The following AUTS2 variants were observed in gnomAD, a reference collection of about 807,000 sequenced individuals.
AUTS2 encodes the protein activator of transcription and developmental regulator AUTS2, also known as autism susceptibility gene 2 protein.
AUTS2 carries 17 observed loss-of-function variants against 112.4 expected under a neutral mutation model. The ratio of observed to expected loss-of-function variants is 0.15; its 90% confidence interval spans 0.10 to 0.23. AUTS2 has a LOEUF of 0.23. AUTS2 is among the 10% of genes least tolerant of loss of function. AUTS2 has a pLI of 1.00. For synonymous variants in AUTS2, 751 were observed against 702.7 expected (o/e 1.07, Z -1.09); for missense variants, 1,510 against 1,701.6 (o/e 0.89, Z 1.98).
chr7:70,049,439 C>T lies in AUTS2; in HGVS notation c.523-68693C>T, dbSNP rs182670187. On this transcript the variant is annotated intron_variant, in intron 2 of 18. Coordinates refer to ENST00000342771, the MANE Select transcript of AUTS2 (RefSeq NM_015570.4). ...CCACTTCCCAGGTTCAAGTGATTCT[C>T]CTGCCTCAGCTTCCTAAGTAGCTGA... Among the ~76,000 whole-genome samples the T allele has an allele frequency of 5.9e-5, 9 of 151,952 alleles. No homozygotes were observed. In the East Asian group the frequency reaches 1.8e-3, roughly 30 times the overall value.
rs1798377689 is a variant in AUTS2, at chr7:69,983,444, T to TG, written c.522+83951dup. ...TTTTTGTTCTCATCATCTGAGTTATTGGGGGTGACTTCATTACAGCAGTGG... is the reference window on the plus strand; with the variant it reads ...TTTTTGTTCTCATCATCTGAGTTATTGGGGGGTGACTTCATTACAGCAGTGG... On this transcript the variant is annotated intron_variant, in intron 2 of 18. Transcript: ENST00000342771. 2.0e-5 allele frequency among the ~76,000 whole-genome samples: 3 copies of TG among 152,226 alleles called. No homozygotes were observed. The South Asian group carries it at 6.3e-4, about 32-fold the overall frequency.
At position 70,243,614 on chromosome 7, in the gene AUTS2, A is replaced by G. The variant is rs954160212; in HGVS notation, c.660+109043A>G. ...AAGAAAGTGATGAGTCAGCTCAAAG[A>G]GAAATAGTCTGTTTCTCCCAACTCT... On this transcript the variant is annotated intron_variant, in intron 4 of 18. Coordinates refer to ENST00000342771, the MANE Select transcript of AUTS2 (RefSeq NM_015570.4). Among the ~76,000 whole-genome samples, 2 of 152,110 alleles carry G rather than the reference A, an allele frequency of 1.3e-5. 1 individual carries two copies. Among genetic ancestry groups the G allele is most frequent in the Admixed American group, 1.3e-4 (2 of 15,256 alleles).
chr7:70,039,463 A>G (rs538273345), intron 2 of AUTS2, among the ~76,000 whole-genome samples: 3 of 152,148 alleles, frequency 2.0e-5, no homozygotes, highest in African/African-American at 7.2e-5. Flanking sequence ...CCTGGGTTCC[A>G]GCAGTTCTCC....
At chr7:70,484,345 A>T (rs2116265330) in intron 5 of AUTS2, among the ~76,000 whole-genome samples, 1 of 151,962 alleles carries the variant, frequency 6.6e-6, no homozygotes. Context: ...GGCCATTTCC[A>T]CTCTTAGAAG....
At chr7:70,632,230 C>T (rs542175601) in intron 5 of AUTS2, among the ~76,000 whole-genome samples, 4 of 152,014 alleles carry the variant, frequency 2.6e-5, no homozygotes, top group South Asian at 2.1e-4. Context: ...ATTGTTAGGA[C>T]GGAGGTACAG....
intron 4 of AUTS2, among the ~76,000 whole-genome samples, chr7:70,170,838 C>T (rs1358940680): frequency 6.6e-6 from 1 of 152,120 alleles, no homozygotes; most frequent in Non-Finnish European, 1.5e-5. Flanking sequence ...GAACTCCTGA[C>T]CTCGTGATCC....
chr7:70,643,659 G>A (rs1805983133), intron 5 of AUTS2, among the ~76,000 whole-genome samples: 1 of 152,156 alleles, frequency 6.6e-6, no homozygotes, highest in Admixed American at 6.5e-5. Flanking sequence ...TTTTTAAGTG[G>A]ATCCTAAGAC....
chr7:70,781,377 A>C (rs575928442), intron 14 of AUTS2: 10 of 352,834 alleles, frequency 2.8e-5, no homozygotes, highest in Admixed American at 4.9e-5. Flanking sequence ...AAAAAAAAAA[A>C]AAAAAAACCA....
chr7:70,553,903 G>T (rs1280543401), intron 5 of AUTS2, among the ~76,000 whole-genome samples: 1 of 150,176 alleles, frequency 6.7e-6, no homozygotes. Flanking sequence ...AAGTAGCTGG[G>T]ATTACAGGCA....
chr7:70,063,029 C>T lies in AUTS2; in HGVS notation c.523-55103C>T, dbSNP rs550772794. Among the ~76,000 whole-genome samples, 11 of 152,208 alleles carry T rather than the reference C, an allele frequency of 7.2e-5. 1 individual carries two copies. The highest frequency in any genetic ancestry group is 3.3e-4 in the Admixed American group (5 of 15,288). On this transcript the variant is annotated intron_variant, in intron 2 of 18. Transcript: ENST00000342771. The stretch of plus-strand genomic sequence containing the variant: ...AAACTGCTAAGCGAGCCCTTTTGTG[C>T]CTTGTTTGTGTATGAGAGTCTTTCT...
At chr7:70,445,891 G>T (rs1796299273) in intron 5 of AUTS2, among the ~76,000 whole-genome samples, 1 of 152,188 alleles carries the variant, frequency 6.6e-6, no homozygotes, top group Non-Finnish European at 1.5e-5. Context: ...GTCTCATAAA[G>T]GAGAAGGGCC....
At chr7:69,775,880 C>T (rs138418661) in intron 1 of AUTS2, among the ~76,000 whole-genome samples, 44 of 152,140 alleles carry the variant, frequency 2.9e-4, no homozygotes, top group African/African-American at 1.1e-3. Context: ...GTGCAAATAC[C>T]CCGGTCTCAT....
chr7:69,936,042 C>T (rs1796397048), intron 2 of AUTS2, among the ~76,000 whole-genome samples: 1 of 152,198 alleles, frequency 6.6e-6, no homozygotes, highest in East Asian at 1.9e-4. Context: ...TGTGTATTCA[C>T]AATTTAGGAA....
chr7:70,598,398 A>G (rs1171813253), intron 5 of AUTS2, among the ~76,000 whole-genome samples: 1 of 152,252 alleles, frequency 6.6e-6, no homozygotes, highest in Non-Finnish European at 1.5e-5. Context: ...ATGAAATTGT[A>G]CAACAGGCAG....
At chr7:70,166,541 A>G (rs1808392298) in intron 4 of AUTS2, among the ~76,000 whole-genome samples, 2 of 152,174 alleles carry the variant, frequency 1.3e-5, no homozygotes, top group South Asian at 4.1e-4. Context: ...AAATAGTATA[A>G]TAACATTTCA....
chr7:70,704,035 T>G (rs1809605475), intron 6 of AUTS2, among the ~76,000 whole-genome samples: 1 of 152,192 alleles, frequency 6.6e-6, no homozygotes, highest in African/African-American at 2.4e-5. Flanking sequence ...TCTTGGAGAA[T>G]TTGTTGTATA....
In AUTS2 at chr7:70,091,778, C is replaced by T. The variant is rs981290240; in HGVS notation, c.523-26354C>T. ...CGTACTTTTCATTTCTGAGTTAGTACGGAGATTCCTGAAGTTCTGTCTACA... is the reference window on the plus strand; with the variant it reads ...CGTACTTTTCATTTCTGAGTTAGTATGGAGATTCCTGAAGTTCTGTCTACA... On this transcript the variant is annotated intron_variant, in intron 2 of 18. Transcript: ENST00000342771. Among the ~76,000 whole-genome samples the T allele has an allele frequency of 4.6e-5, 7 of 152,226 alleles. No homozygotes were observed. The East Asian group carries it at 9.7e-4, about 21-fold the overall frequency.
At chr7:69,845,049 G>A (rs1343501492) in intron 1 of AUTS2, among the ~76,000 whole-genome samples, 2 of 152,062 alleles carry the variant, frequency 1.3e-5, no homozygotes, top group Non-Finnish European at 2.9e-5. Flanking sequence ...GGAGGCCCAG[G>A]GTTTATTCAG....
intron 6 of AUTS2, among the ~76,000 whole-genome samples, chr7:70,717,017 T>TA (rs1810417974): frequency 7.4e-6 from 1 of 135,788 alleles, no homozygotes; most frequent in Admixed American, 7.5e-5. Context: ...TTTTTTTTAT[T>TA]ACTGTTTAAG....
Sources: allele counts gnomAD v4.1 joint callset (sites outside exome capture counted in the v4.1 genomes callset), GRCh38; gene constraint gnomAD v4.1.1; transcripts MANE v1.5; gene names NCBI Gene and HGNC (gene_info 2026-07-23, HGNC 2026-07-21).